SLMAP: variants seen among roughly 807,000 people sequenced by gnomAD.
SLMAP encodes sarcolemmal membrane-associated protein.
SLMAP carries 44 observed loss-of-function variants against 128.8 expected under a neutral mutation model. That is an observed-to-expected ratio of 0.34 (90% CI 0.27 to 0.44). The LOEUF is 0.44. SLMAP is among the 20% of genes least tolerant of loss of function. The pLI is 1.00. For missense variants in SLMAP, 787 were observed against 985.3 expected (o/e 0.80, Z 2.69); for synonymous variants, 327 against 348.8 (o/e 0.94, Z 0.70).
chr3:57,919,919 A>G (rs1279666068), intron 22 of SLMAP, among the ~76,000 whole-genome samples: 2 of 152,202 alleles, frequency 1.3e-5, no homozygotes, highest in African/African-American at 4.8e-5. Flanking sequence ...CCCCTCACGT[A>G]CTGGAGGTAA....
intron 6 of SLMAP, among the ~76,000 whole-genome samples, chr3:57,853,318 A>G (rs1202911397): frequency 6.6e-6 from 1 of 152,236 alleles, no homozygotes; most frequent in Admixed American, 6.5e-5. Context: ...TATAGCTTAT[A>G]TTAAAATGTA....
intron 24 of SLMAP, 193 bp downstream of exon 24, chr3:57,926,127 T>C (rs2097003785): frequency 1.7e-6 from 1 of 578,064 alleles, no homozygotes; most frequent in Admixed American, 3.3e-5. Flanking sequence ...TTGTCTTGTT[T>C]ACTTTGTAGT....
At chr3:57,863,463 T>TG (rs1474759159) in intron 10 of SLMAP, among the ~76,000 whole-genome samples, 1 of 152,190 alleles carries the variant, frequency 6.6e-6, no homozygotes, top group East Asian at 1.9e-4. Context: ...CCATTTTTGT[T>TG]GCTATAAAGG....
chr3:57,836,218 G>A (rs941655421), intron 3 of SLMAP, among the ~76,000 whole-genome samples: 7 of 151,978 alleles, frequency 4.6e-5, no homozygotes, highest in Non-Finnish European at 7.4e-5. Context: ...GAGTGTGGGT[G>A]GGAGGGAAGA....
At chr3:57,813,269 T>C (rs2091318221) in intron 2 of SLMAP, among the ~76,000 whole-genome samples, 1 of 152,132 alleles carries the variant, frequency 6.6e-6, no homozygotes, top group Non-Finnish European at 1.5e-5. Flanking sequence ...CTAATTTTTG[T>C]ATTTTTGGTA....
chr3:57,923,646 C>G (rs1441853633), intron 23 of SLMAP, among the ~76,000 whole-genome samples: 1 of 152,136 alleles, frequency 6.6e-6, no homozygotes, highest in Non-Finnish European at 1.5e-5. Flanking sequence ...TTTTGGTGAT[C>G]GTTACCTTTG....
rs2095047766 is a variant in SLMAP, at chr3:57,861,279, A to G, written c.828+440A>G. On this transcript the variant is annotated intron_variant, in intron 9 of 24. Transcript: ENST00000671191. ...ATATATTTAGGAAGTTCAAAGGTGA[A>G]ATCATCTCCAAGGTCCTTTCTAGGT... Among the ~76,000 whole-genome samples, 3 of 152,182 alleles carry G rather than the reference A, an allele frequency of 2.0e-5. No individual in the cohort carries two copies. The South Asian group carries it at 6.2e-4, about 32-fold the overall frequency.
At chr3:57,837,689 A>C (rs1456477604) in intron 3 of SLMAP, among the ~76,000 whole-genome samples, 1 of 152,132 alleles carries the variant, frequency 6.6e-6, no homozygotes, top group Admixed American at 6.5e-5. Context: ...TTTTAAACCA[A>C]GCATTTCCCA....
intron 19 of SLMAP, 70 bp from the exon 20 acceptor site, chr3:57,912,311 T>G (rs891739653): frequency 1.3e-5 from 18 of 1,340,182 alleles, no homozygotes; most frequent in Non-Finnish European, 1.9e-5. Context: ...GGTTATGCAT[T>G]AGCTACAATC....
At chr3:57,880,784 C>G (rs568522334) in intron 14 of SLMAP, among the ~76,000 whole-genome samples, 8 of 152,120 alleles carry the variant, frequency 5.3e-5, no homozygotes, top group African/African-American at 1.7e-4. Flanking sequence ...GCCCGGGAGG[C>G]TGAGGTGGGA....
chr3:57,801,162 A>G (rs2088240476), intron 2 of SLMAP: 1 of 152,674 alleles, frequency 6.5e-6, no homozygotes, highest in Admixed American at 6.5e-5. Context: ...ACATCACAAA[A>G]ATGACAGAAA....
intron 2 of SLMAP, among the ~76,000 whole-genome samples, chr3:57,831,163 G>A (rs1560148979): frequency 6.6e-6 from 1 of 152,090 alleles, no homozygotes; most frequent in Non-Finnish European, 1.5e-5. Flanking sequence ...TTCCAAAGAG[G>A]TTGTACCGTT....
At chr3:57,796,281 T>G (rs1421773736) in intron 2 of SLMAP, among the ~76,000 whole-genome samples, 1 of 152,204 alleles carries the variant, frequency 6.6e-6, no homozygotes, top group African/African-American at 2.4e-5. Flanking sequence ...GGATGTTTAG[T>G]AAAATAAAAG....
Position 57,771,160 on chromosome 3 carries a change from TCCC to T in SLMAP, c.198+13313_198+13315del, listed in dbSNP as rs2080781465. Among the ~76,000 whole-genome samples, 194 of 107,558 alleles carry T rather than the reference TCCC, an allele frequency of 1.8e-3. 2 individuals are homozygous for T. The highest frequency in any genetic ancestry group is 5.9e-3 in the African/African-American group (167 of 28,328). 70.6% of individuals were successfully genotyped at this position (107,558 alleles called of 152,430 possible). A position where few individuals can be genotyped will look rare whatever the true frequency, so the allele number is the denominator to read the frequency against. ...CCCTCTGCTCTCCCCTCCCCTCCCC[TCCC>T]CTCCCCTCCCCTCCCCTCTCCTCTC... On this transcript the variant is annotated intron_variant, in intron 2 of 24. Transcript: ENST00000671191.
intron 2 of SLMAP, among the ~76,000 whole-genome samples, chr3:57,768,365 A>G (rs564792291): frequency 7.2e-5 from 11 of 152,314 alleles, no homozygotes; most frequent in Non-Finnish European, 1.2e-4. Flanking sequence ...ATTTTCCAAT[A>G]TAGACTTTCA....
intron 18 of SLMAP, among the ~76,000 whole-genome samples, chr3:57,908,433 A>G (rs1178816030): frequency 6.6e-6 from 1 of 152,218 alleles, no homozygotes; most frequent in Non-Finnish European, 1.5e-5. Flanking sequence ...TATCATTCAT[A>G]GTAACTACCT....
intron 2 of SLMAP, among the ~76,000 whole-genome samples, chr3:57,766,267 C>A (rs556023555): frequency 6.7e-6 from 1 of 150,108 alleles, no homozygotes; most frequent in East Asian, 2.0e-4. Context: ...CCGCCTGCCT[C>A]AGCCTCCCAA....
intron 2 of SLMAP, among the ~76,000 whole-genome samples, chr3:57,763,401 A>G (rs2079064718): frequency 6.6e-6 from 1 of 150,878 alleles, no homozygotes; most frequent in Non-Finnish European, 1.5e-5. Flanking sequence ...CAGCTTCCTG[A>G]GTAGCTGGGA....
intron 2 of SLMAP, among the ~76,000 whole-genome samples, chr3:57,776,051 A>G (rs1576309999): frequency 6.6e-6 from 1 of 152,188 alleles, no homozygotes; most frequent in African/African-American, 2.4e-5. Context: ...AAGGATACTC[A>G]TTCTCCCTTC....
Sources: allele counts gnomAD v4.1 joint callset (sites outside exome capture counted in the v4.1 genomes callset), GRCh38; gene constraint gnomAD v4.1.1; transcripts MANE v1.5; gene names NCBI Gene and HGNC (gene_info 2026-07-23, HGNC 2026-07-21).